Variants in NEB observed in about 807,000 individuals in gnomAD.
The protein encoded by NEB is nebulin.
Under a neutral mutation model 952.2 loss-of-function variants are expected in NEB, and 512 were observed. The observed-to-expected ratio is 0.54, with a 90% CI of 0.50 to 0.58. The LOEUF is 0.58. Ranked by LOEUF, NEB falls within the 20% of genes least tolerant of loss-of-function variation. NEB has a pLI of 0.00. For missense variants in NEB, 8,428 were observed against 9,231.1 expected (o/e 0.91, Z 3.56); for synonymous variants, 2,900 against 3,149.8 (o/e 0.92, Z 2.66).
At chr2:151,657,695 T>C (rs1406550853) in intron 48 of NEB, among the ~76,000 whole-genome samples, 1 of 152,140 alleles carries the variant, frequency 6.6e-6, no homozygotes, top group Non-Finnish European at 1.5e-5. Flanking sequence ...GAAAGCTTAG[T>C]GAAGGGCTTT....
At chr2:151,516,370 G>A in intron 157 of NEB, 89 bp downstream of exon 157, 2 of 811,672 alleles carry the variant, frequency 2.5e-6, no homozygotes, top group Non-Finnish European at 3.9e-6. Context: ...ACCACTTTTG[G>A]ATGACAGGAA....
At chr2:151,726,701 C>T (rs1408029310) in intron 5 of NEB, among the ~76,000 whole-genome samples, 2 of 152,130 alleles carry the variant, frequency 1.3e-5, no homozygotes, top group Admixed American at 6.5e-5. Flanking sequence ...CCTGGGTACA[C>T]ATTAGAATCA....
chr2:151,657,122 C>T lies in NEB; in HGVS notation c.6184-658G>A, dbSNP rs555573858. Among the ~76,000 whole-genome samples the T allele has an allele frequency of 8.5e-5, 13 of 152,088 alleles. No individual in the cohort carries two copies. The South Asian group carries it at 2.1e-3, about 24-fold the overall frequency. On this transcript the variant is annotated intron_variant, in intron 48 of 181. Coordinates refer to ENST00000397345, the MANE Select transcript of NEB (RefSeq NM_001164508.2). ...TTCTGCCTGTCTCCTTTTGGGGTTG[C>T]GTGTGCAAGTTGGGGGTAGAAGCTA...
chr2:151,679,661 A>AGG, intron 32 of NEB, 60 bp downstream of exon 32: 29 of 492,338 alleles, frequency 5.9e-5, no homozygotes, highest in East Asian at 9.9e-5. Context: ...TCATCGTCAG[A>AGG]CCCCAAGCCC....
chr2:151,725,069 T>C (rs1405830675), intron 6 of NEB, 108 bp from the exon 7 acceptor site: 2 of 792,640 alleles, frequency 2.5e-6, no homozygotes, highest in Non-Finnish European at 2.1e-6. Context: ...TAGGTCTGCA[T>C]CACAAAGCAT....
At chr2:151,542,548 C>T (rs1180585409) in intron 135 of NEB, among the ~76,000 whole-genome samples, 1 of 152,136 alleles carries the variant, frequency 6.6e-6, no homozygotes, top group African/African-American at 2.4e-5. Context: ...TTACTCGGGC[C>T]AGAAACTTGG....
rs2096107586 is a variant in NEB, at chr2:151,562,147, A to T, written c.18959T>A (p.Ile6320Asn). The change falls in exon 121 of 182, where the codon ATC becomes AAC. Residue 6320 changes from isoleucine to asparagine, a missense_variant. Ile to Asn is a moderately radical substitution (Grantham distance 149). Around this residue, in one of 11 missense-constraint regions of NEB, gnomAD observed 3,374 missense variants for 3,651.5 expected, o/e 0.92. Transcript: ENST00000397345. ...GTCGTATGATTTCTTGGCATGGAGG[A>T]TTTGGGGTGTATCCCAAACGTAGCA... Reference protein sequence around the residue: ...IGCYVWDTPQILHAKKSYDLQ... With the variant: ...IGCYVWDTPQNLHAKKSYDLQ... The T allele has an allele frequency of 6.2e-7, 1 of 1,613,466 alleles. No individual in the cohort carries two copies. The highest frequency in any genetic ancestry group is 1.3e-5 in the African/African-American group (1 of 74,884).
chr2:151,675,872 C>T (rs1401714170), intron 34 of NEB, among the ~76,000 whole-genome samples: 2 of 152,144 alleles, frequency 1.3e-5, no homozygotes, highest in African/African-American at 4.8e-5. Context: ...GGTGCTTATA[C>T]ATGAATCTAG....
intron 155 of NEB, 63 bp downstream of exon 155, chr2:151,518,902 C>G: frequency 8.9e-7 from 1 of 1,127,442 alleles, no homozygotes; most frequent in Non-Finnish European, 1.3e-6. Flanking sequence ...CATCTGGGCT[C>G]AGAAAGAATT....
chr2:151,553,910 C>A lies in NEB; in HGVS notation c.19544G>T (p.Arg6515Leu). 1.2e-6 allele frequency: 2 copies of A among 1,613,842 alleles called. No individual in the cohort carries two copies. Among genetic ancestry groups the A allele is most frequent in the Non-Finnish European group, 1.7e-6 (2 of 1,179,790 alleles). The change falls in exon 126 of 182, where the codon CGC (arginine) becomes CTC (leucine). Residue 6515 changes from arginine (R) to leucine (L), a missense_variant. This residue lies in a region of NEB where 3,374 missense variants were observed against 3,651.5 expected (regional missense o/e 0.92). Transcript: ENST00000397345. The part of the protein sequence containing the change: ...SQKKVSEIDY[R>L]LRLHEWICHP... ...GCAAATCCATTCGTGGAGGCGCAGG[C>A]GGTAATCAATCTCACTGACTTTCTT...
At chr2:151,711,961 T>C (rs1256994016) in intron 10 of NEB, among the ~76,000 whole-genome samples, 2 of 152,308 alleles carry the variant, frequency 1.3e-5, no homozygotes, top group African/African-American at 2.4e-5. Context: ...GTTTTGAAGA[T>C]TTAAAGAACA....
In NEB at chr2:151,610,554, T is replaced by A. The variant is rs751650751; in HGVS notation, c.11980A>T (p.Ile3994Phe). 3 of 1,613,782 alleles carry A rather than the reference T, an allele frequency of 1.9e-6. No homozygotes were observed. In the Admixed American group the frequency reaches 5.0e-5, roughly 27 times the overall value. The change falls in exon 80 of 182, where the codon ATC (isoleucine) becomes TTC (phenylalanine). Residue 3994 changes from isoleucine to phenylalanine, a missense_variant. Coordinates refer to ENST00000397345, the MANE Select transcript of NEB (RefSeq NM_001164508.2). ...DYDLRADAIS[I>F]KSAKASRDIA... ...TCCCTGGAGGCCTTGGCACTTTTGATGGAAATAGCATCTGCTCTCAGATCA... is the reference window on the plus strand; with the variant it reads ...TCCCTGGAGGCCTTGGCACTTTTGAAGGAAATAGCATCTGCTCTCAGATCA...
At chr2:151,497,971 G>A (rs1043843907) in intron 170 of NEB, 5 of 1,434,066 alleles carry the variant, frequency 3.5e-6, no homozygotes, top group Admixed American at 2.9e-5. Flanking sequence ...TTGTGAGTAC[G>A]GTGCCTCCTA....
At chr2:151,675,032 C>T (rs918607691) in intron 35 of NEB, among the ~76,000 whole-genome samples, 24 of 152,088 alleles carry the variant, frequency 1.6e-4, no homozygotes, top group Admixed American at 1.4e-3. Flanking sequence ...CTAGGAAAAC[C>T]AAGTAGAAGT....
intron 40 of NEB, among the ~76,000 whole-genome samples, chr2:151,667,514 C>T (rs1559034594): frequency 1.3e-5 from 2 of 152,080 alleles, no homozygotes; most frequent in East Asian, 3.9e-4. Flanking sequence ...GTAGTTGATA[C>T]AATCTTATAC....
intron 58 of NEB, 85 bp downstream of exon 58, chr2:151,643,065 A>G: frequency 7.1e-7 from 1 of 1,414,324 alleles, no homozygotes; most frequent in Non-Finnish European, 9.7e-7. Flanking sequence ...GGAATCAAAA[A>G]CAAGTTTTCT....
intron 155 of NEB, 40 bp downstream of exon 155, chr2:151,518,925 G>T (rs886038448): frequency 2.1e-6 from 3 of 1,410,564 alleles, no homozygotes; most frequent in Admixed American, 1.7e-5. Flanking sequence ...GTTCCAAATG[G>T]GTAAAACAAG....
intron 8 of NEB, among the ~76,000 whole-genome samples, chr2:151,723,750 GT>G (rs11308757): frequency 0.1 from 5,383 of 51,474 alleles, 196 homozygotes; most frequent in African/African-American, 0.22. Context: ...TGCCTTCTTT[GT>G]TTTTTTTTTT....
intron 85 of NEB, among the ~76,000 whole-genome samples, chr2:151,604,121 C>A (rs62174703): frequency 1.7e-5 from 2 of 118,044 alleles, no homozygotes; most frequent in Non-Finnish European, 3.5e-5. Context: ...TCAGTTGGAT[C>A]TTAGGAGGTA....
Sources: allele counts gnomAD v4.1 joint callset (sites outside exome capture counted in the v4.1 genomes callset), GRCh38; gene constraint gnomAD v4.1.1; regional missense constraint gnomAD v4.1.1; transcripts MANE v1.5; gene names NCBI Gene and HGNC (gene_info 2026-07-23, HGNC 2026-07-21).